Variants in SSBP3 observed in about 807,000 individuals in gnomAD.
The protein encoded by SSBP3 is single-stranded DNA-binding protein 3.
Under a neutral mutation model 69.6 loss-of-function variants are expected in SSBP3, and 5 were observed. The ratio of observed to expected loss-of-function variants is 0.07; its 90% confidence interval spans 0.04 to 0.15. SSBP3 has a LOEUF of 0.15. SSBP3 is among the 10% of genes least tolerant of loss of function. SSBP3 has a pLI of 1.00. For missense variants in SSBP3, 312 were observed against 534.0 expected, an observed-to-expected ratio of 0.58 and a Z score of 4.10; for synonymous variants, 196 against 193.4, an observed-to-expected ratio of 1.01 and a Z score of -0.11.
chr1:54,318,204 T>A (rs1023320601), intron 4 of SSBP3, among the ~76,000 whole-genome samples: 3 of 152,126 alleles, frequency 2.0e-5, no homozygotes, highest in African/African-American at 7.2e-5. Context: ...AAGGATGACA[T>A]TTAACCAACA....
intron 7 of SSBP3, among the ~76,000 whole-genome samples, chr1:54,256,466 A>G (rs1039318299): frequency 1.6e-4 from 25 of 152,212 alleles, no homozygotes; most frequent in Admixed American, 1.5e-3. Context: ...ATTTCTCCAG[A>G]CCACCTAGAA....
chr1:54,267,341 C>G (rs759710964), intron 5 of SSBP3, among the ~76,000 whole-genome samples: 1 of 152,238 alleles, frequency 6.6e-6, no homozygotes, highest in Non-Finnish European at 1.5e-5. Flanking sequence ...GGCAGTCACT[C>G]TAACTGGGCA....
intron 4 of SSBP3, among the ~76,000 whole-genome samples, chr1:54,391,872 A>AC (rs1648522848): frequency 6.6e-6 from 1 of 151,718 alleles, no homozygotes; most frequent in Non-Finnish European, 1.5e-5. Flanking sequence ...GGGGCAAGGA[A>AC]CCCCCTCCAC....
At chr1:54,231,694 TA>T (rs1434766770) in intron 14 of SSBP3, among the ~76,000 whole-genome samples, 1 of 152,214 alleles carries the variant, frequency 6.6e-6, no homozygotes, top group Non-Finnish European at 1.5e-5. Context: ...TATTTTTTAT[TA>T]TTTTTTAATT....
intron 4 of SSBP3, among the ~76,000 whole-genome samples, chr1:54,323,286 T>A (rs1460148745): frequency 6.6e-6 from 1 of 151,064 alleles, no homozygotes; most frequent in Non-Finnish European, 1.5e-5. Context: ...ATGCACAAGA[T>A]AACAGATACT....
chr1:54,255,364 A>G (rs1644903045), intron 7 of SSBP3, among the ~76,000 whole-genome samples: 1 of 152,240 alleles, frequency 6.6e-6, no homozygotes, highest in Non-Finnish European at 1.5e-5. Context: ...TCTTCCTGGC[A>G]GAGGCCAGTT....
chr1:54,260,760 A>AGTGGGGAACG lies in SSBP3; in HGVS notation c.367-2612_367-2611insCGTTCCCCAC, dbSNP rs58693276. Among the ~76,000 whole-genome samples, 14 of 151,948 alleles carry AGTGGGGAACG rather than the reference A, an allele frequency of 9.2e-5. No homozygotes were observed. The East Asian group carries it at 2.1e-3, about 23-fold the overall frequency. ...ACAACCTCTCTGGCTCATGGGGAAC[A>AGTGGGGAACG]AGCTGTTAAATCTGGGGCGGGAAGA... On this transcript the variant is annotated intron_variant, in intron 5 of 17. Transcript: ENST00000610401.
In SSBP3 at chr1:54,347,745, T is replaced by C. The variant is rs143044846; in HGVS notation, c.276+54116A>G. 3.2e-3 allele frequency among the ~76,000 whole-genome samples: 483 copies of C among 151,848 alleles called. 3 individuals are homozygous for C. The highest frequency in any genetic ancestry group is 0.011 in the African/African-American group (455 of 41,392). On this transcript the variant is annotated intron_variant, in intron 4 of 17. Coordinates refer to ENST00000610401, the Ensembl canonical transcript of SSBP3. ...GTGATGGCAGAGGCAGAGATTGGAG[T>C]CCTAGGGGCCAAGGAATGCCAAGGA...
intron 13 of SSBP3, among the ~76,000 whole-genome samples, chr1:54,240,113 C>CGT (rs1234655823): frequency 1.6e-3 from 6 of 3,728 alleles, no homozygotes; most frequent in South Asian, 0.012. Flanking sequence ...TGCGTGCGCG[C>CGT]GCGCGCGCAA....
At chr1:54,405,893 A>ACCGC (rs547030913) in intron 1 of SSBP3, 60 bp downstream of exon 1, 2 of 656,200 alleles carry the variant, frequency 3.0e-6, no homozygotes, top group Non-Finnish European at 4.1e-6. Flanking sequence ...CCTGCCTCCC[A>ACCGC]CCGCCCGCCC....
At chr1:54,242,864 C>T (rs150321578) in intron 10 of SSBP3, 5 of 179,442 alleles carry the variant, frequency 2.8e-5, no homozygotes, top group East Asian at 1.5e-4. Context: ...GCAGGAGAAT[C>T]GCTTGAACCC....
chr1:54,301,759 C>T (rs1175752783), intron 4 of SSBP3, among the ~76,000 whole-genome samples: 3 of 152,164 alleles, frequency 2.0e-5, no homozygotes, highest in Admixed American at 6.5e-5. Context: ...CCTGTCCGGC[C>T]GCCACCACCA....
rs1375863323 is a variant in SSBP3 at position 54,400,798 on chromosome 1, A to AT, written c.276+1062_276+1063insA. 3.3e-5 allele frequency among the ~76,000 whole-genome samples: 5 copies of AT among 152,190 alleles called. No homozygotes were observed. The East Asian group carries it at 5.8e-4, about 18-fold the overall frequency. ...TGATCATGGGATTTGACCACTTGTGAAATAACCAGATGGGTCTGGTCTCTT... is the reference window on the plus strand; with the variant it reads ...TGATCATGGGATTTGACCACTTGTGATAATAACCAGATGGGTCTGGTCTCTT... On this transcript the variant is annotated intron_variant, in intron 4 of 17. Coordinates refer to ENST00000610401, the Ensembl canonical transcript of SSBP3.
intron 14 of SSBP3, chr1:54,238,898 T>A: frequency 2.6e-6 from 1 of 388,062 alleles, no homozygotes; most frequent in South Asian, 2.1e-5. Context: ...GCGGGCACCC[T>A]GGCTCTAACC....
intron 14 of SSBP3, among the ~76,000 whole-genome samples, chr1:54,234,295 A>G (rs1644446737): frequency 6.7e-6 from 1 of 149,816 alleles, no homozygotes; most frequent in African/African-American, 2.5e-5. Context: ...CTATTGTCCC[A>G]TGACCCTGCC....
intron 4 of SSBP3, among the ~76,000 whole-genome samples, chr1:54,339,854 C>T (rs1300802052): frequency 6.6e-6 from 1 of 152,064 alleles, no homozygotes; most frequent in Non-Finnish European, 1.5e-5. Flanking sequence ...GCGGAGGTTG[C>T]AGTGAGCTGA....
chr1:54,290,614 T>G (rs1645587180), intron 4 of SSBP3, among the ~76,000 whole-genome samples: 1 of 152,210 alleles, frequency 6.6e-6, no homozygotes, highest in Non-Finnish European at 1.5e-5. Flanking sequence ...GCACCCGGCT[T>G]CTTCTGGGGA....
At chr1:54,250,374 T>TA (rs1202939392) in intron 9 of SSBP3, among the ~76,000 whole-genome samples, 1 of 152,068 alleles carries the variant, frequency 6.6e-6, no homozygotes, top group Non-Finnish European at 1.5e-5. Context: ...GGGCTTGCTG[T>TA]AAATACAATT....
intron 4 of SSBP3, among the ~76,000 whole-genome samples, chr1:54,350,620 T>A (rs1296166858): frequency 2.0e-5 from 3 of 152,186 alleles, no homozygotes; most frequent in Non-Finnish European, 2.9e-5. Context: ...AATTGATTCA[T>A]TAGCACTCCA....
Sources: gnomAD v4.1 joint callset for allele counts (sites outside exome capture counted in the v4.1 genomes callset) on GRCh38, gnomAD v4.1.1 for gene constraint, MANE v1.5 for transcripts, NCBI Gene and HGNC (gene_info 2026-07-23, HGNC 2026-07-21) for gene names.